USP35: variants seen among roughly 807,000 people sequenced by gnomAD.
USP35 encodes ubiquitin specific peptidase 35.
USP35 carries 69 observed loss-of-function variants against 83.8 expected under a neutral mutation model. The ratio of observed to expected loss-of-function variants is 0.82; its 90% CI spans 0.68 to 1.01. The LOEUF (loss-of-function observed/expected upper bound fraction) is 1.01, where lower values mean the gene tolerates loss of function less well. USP35 is among the 50% of genes least tolerant of loss of function. USP35 has a pLI of 0.00. For synonymous variants in USP35, 714 were observed against 589.5 expected (o/e 1.21, Z -3.06); for missense variants, 1,503 against 1,362.5 (o/e 1.10, Z -1.62).
At chr11:78,202,402 A>G (rs1565398069) in intron 6 of USP35, among the ~76,000 whole-genome samples, 1 of 152,210 alleles carries the variant, frequency 6.6e-6, no homozygotes, top group African/African-American at 2.4e-5. Flanking sequence ...GCCTGCTCTC[A>G]TGTGGATTTA....
downstream of USP35, chr11:78,215,650 A>AAAT (rs757343012): frequency 6.6e-6 from 1 of 152,322 alleles, no homozygotes; most frequent in Non-Finnish European, 1.5e-5. Context: ...AGTAGCCAAC[A>AAAT]AATACACAAC....
At chr11:78,222,049 C>T in the USP35 span, 33 of 1,134,784 alleles carry the variant, frequency 2.9e-5, no homozygotes, top group Non-Finnish European at 3.4e-5. Context: ...TACCACATCA[C>T]TCATTTTCCC....
At chr11:78,207,416 A>G in intron 7 of USP35, 114 bp from the exon 8 acceptor site, 2 of 1,029,620 alleles carry the variant, frequency 1.9e-6, no homozygotes, top group Non-Finnish European at 2.9e-6. Context: ...GTCTTGGGGC[A>G]GAAATGTCTG....
At chr11:78,223,796 G>T in the USP35 span, 1 of 839,110 alleles carries the variant, frequency 1.2e-6, no homozygotes, top group Non-Finnish European at 1.9e-6. Flanking sequence ...CTTTGAAGCT[G>T]TAAGGGAGAC....
intron 6 of USP35, among the ~76,000 whole-genome samples, chr11:78,203,067 A>G (rs926113592): frequency 6.6e-6 from 1 of 152,138 alleles, no homozygotes; most frequent in Non-Finnish European, 1.5e-5. Flanking sequence ...GGCTTTGCAC[A>G]GTAGGGGCCC....
chr11:78,227,732 C>T, the USP35 span, among the ~76,000 whole-genome samples: 6 of 151,566 alleles, frequency 4.0e-5, no homozygotes, highest in East Asian at 5.9e-4. Context: ...CCCAGAAGTT[C>T]GAAGTTAGAG....
Position 78,200,231 on chromosome 11 carries a change from C to T in USP35, c.1035C>T (p.His345=). The T allele has an allele frequency of 6.2e-7, 1 of 1,614,174 alleles. No individual in the cohort carries two copies. The highest frequency in any genetic ancestry group is 2.2e-5 in the East Asian group (1 of 44,878). Reference sequence around the variant, plus strand: ...TCCAGCACTCCCACGAAGCCTTCCACCTGGTAAGGTCCCCTGCCTGCTGCC... The same window carrying T: ...TCCAGCACTCCCACGAAGCCTTCCATCTGGTAAGGTCCCCTGCCTGCTGCC... ...LTFQHSHEAF[H]LLLPHIPPMV... Residue 345 remains histidine (H), a synonymous_variant, in exon 5 of 11, where the codon CAC becomes CAT. Transcript: ENST00000529308.
chr11:78,196,945 CG>C lies in USP35; in HGVS notation c.673+30del. 7.0e-7 allele frequency: 1 copy of C among 1,428,460 alleles called. No homozygotes were observed. Among genetic ancestry groups the C allele is most frequent in the Non-Finnish European group, 9.1e-7 (1 of 1,095,014 alleles). The allele number at this position is 1,428,460 out of a possible 1,614,324, so 88.5% of individuals were successfully genotyped here. ...TGCGTGTGCGGCCGGGGCAGGAGCG[CG>C]GGCATGCGGAGGTCCTGGGTGGGCG... On this transcript the variant is annotated intron_variant, in intron 2 of 10. Coordinates refer to ENST00000529308, the MANE Select transcript of USP35 (RefSeq NM_020798.4). This position sits in a 1 kb window ranked among gnomAD's most constrained non-coding sequence, Gnocchi z 4.8.
At chr11:78,226,980 G>A in the USP35 span, 1 of 1,613,654 alleles carries the variant, frequency 6.2e-7, no homozygotes. Context: ...ATTGCCCTGG[G>A]CAAGTTTTTG....
chr11:78,190,335 G>A (rs759980700), intron 1 of USP35, among the ~76,000 whole-genome samples: 2 of 152,204 alleles, frequency 1.3e-5, no homozygotes, highest in Non-Finnish European at 2.9e-5. Context: ...CCAGTCCAGT[G>A]ACCTCTGTAG....
At chr11:78,220,251 G>A in the USP35 span, 2 of 1,567,882 alleles carry the variant, frequency 1.3e-6, no homozygotes, top group Non-Finnish European at 1.7e-6. Flanking sequence ...AAGGCACCCT[G>A]GCCTCCATGA....
the USP35 span, among the ~76,000 whole-genome samples, chr11:78,226,002 G>A: frequency 6.6e-6 from 1 of 152,196 alleles, no homozygotes; most frequent in Non-Finnish European, 1.5e-5. Context: ...TAAAAGTTTT[G>A]ACTTCAACCA....
chr11:78,200,592 G>T (rs1167579468), intron 5 of USP35, 58 bp from the exon 6 acceptor site: 2 of 1,551,356 alleles, frequency 1.3e-6, no homozygotes, highest in African/African-American at 2.7e-5. Flanking sequence ...AGGGACCACA[G>T]CCCCGTGTCT....
At chr11:78,190,891 G>A (rs932660616) in intron 1 of USP35, among the ~76,000 whole-genome samples, 1 of 152,200 alleles carries the variant, frequency 6.6e-6, no homozygotes, top group African/African-American at 2.4e-5. Context: ...ACTGAACAAT[G>A]TTGCTTGAGT....
At chr11:78,213,357 C>T (rs1863878541) in intron 10 of USP35, among the ~76,000 whole-genome samples, 1 of 152,136 alleles carries the variant, frequency 6.6e-6, no homozygotes, top group South Asian at 2.1e-4. Context: ...TGTGATATGA[C>T]CCTCGAAGTC....
chr11:78,224,090 AAAAAT>A, the USP35 span, among the ~76,000 whole-genome samples: 2 of 152,136 alleles, frequency 1.3e-5, no homozygotes, highest in Non-Finnish European at 2.9e-5. Flanking sequence ...TCAAAAAATA[AAAAAT>A]AAAAAAAAGG....
chr11:78,218,987 G>A (rs115588181), downstream of USP35: 3,247 of 395,468 alleles, frequency 8.2e-3, 60 homozygotes, highest in African/African-American at 0.043. Flanking sequence ...ACAGGAAGAG[G>A]CTGAAGGATG....
chr11:78,232,666 G>A, the USP35 span, among the ~76,000 whole-genome samples: 1 of 152,184 alleles, frequency 6.6e-6, no homozygotes, highest in Non-Finnish European at 1.5e-5. Context: ...CAGTAAAAGT[G>A]ATGATAAATA....
At chr11:78,228,438 A>T in the USP35 span, among the ~76,000 whole-genome samples, 1 of 152,334 alleles carries the variant, frequency 6.6e-6, no homozygotes, top group East Asian at 1.9e-4. Context: ...CAGAAAAGGC[A>T]AATCTCGTAT....
Sources: gnomAD v4.1 joint callset for allele counts (sites outside exome capture counted in the v4.1 genomes callset) on GRCh38, gnomAD v4.1.1 for gene constraint, Gnocchi (gnomAD v3.1) non-coding constraint, MANE v1.5 for transcripts, NCBI Gene and HGNC (gene_info 2026-07-23, HGNC 2026-07-21) for gene names.